Variants in CTNNA2 observed in about 807,000 individuals in gnomAD.
CTNNA2 encodes the protein catenin alpha-2.
A neutral mutation model predicts 101.0 loss-of-function variants in CTNNA2; 42 were observed. The ratio of observed to expected loss-of-function variants is 0.42; its 90% CI spans 0.32 to 0.54. The LOEUF (loss-of-function observed/expected upper bound fraction) is 0.54, where lower values mean the gene tolerates loss of function less well. Ranked by LOEUF, CTNNA2 falls within the 20% of genes least tolerant of loss-of-function variation. The pLI is 0.14. For missense variants in CTNNA2, 871 were observed against 1,223.1 expected (o/e 0.71, Z 4.29); for synonymous variants, 450 against 456.4 (o/e 0.99, Z 0.18).
At chr2:79,937,689 C>G (rs755309857) in intron 7 of CTNNA2, among the ~76,000 whole-genome samples, 1 of 152,098 alleles carries the variant, frequency 6.6e-6, no homozygotes, top group African/African-American at 2.4e-5. Context: ...GGGCCCTGTT[C>G]CCTCTATTAA....
chr2:80,334,203 A>G (rs1008493420), intron 7 of CTNNA2, among the ~76,000 whole-genome samples: 4 of 152,174 alleles, frequency 2.6e-5, no homozygotes, highest in Non-Finnish European at 4.4e-5. Context: ...GATCTCAGCT[A>G]AAGCAATGGA....
chr2:79,852,490 A>T (rs1680796410), intron 3 of CTNNA2, among the ~76,000 whole-genome samples: 1 of 152,154 alleles, frequency 6.6e-6, no homozygotes, highest in African/African-American at 2.4e-5. Context: ...TTTCATTCTC[A>T]CACTAGTTCC....
chr2:80,390,498 A>G lies in CTNNA2; in HGVS notation c.1057-2713A>G, dbSNP rs539665382. Among the ~76,000 whole-genome samples the G allele has an allele frequency of 8.3e-4, 126 of 152,268 alleles. 1 individual carries two copies. The highest frequency in any genetic ancestry group is 2.8e-3 in the African/African-American group (117 of 41,558). ...GATCCCACATGTTGCCCTTCTGCTC[A>G]CAGAATGGGGCAACCAAGCCTCCCA... On this transcript the variant is annotated intron_variant, in intron 7 of 18. Coordinates refer to ENST00000402739, the MANE Select transcript of CTNNA2 (RefSeq NM_001282597.3).
At chr2:79,259,104 C>T (rs1270681243) in intron 2 of CTNNA2, among the ~76,000 whole-genome samples, 1 of 152,110 alleles carries the variant, frequency 6.6e-6, no homozygotes, top group South Asian at 2.1e-4. Context: ...GATCAGATCC[C>T]TATTTCTACG....
chr2:80,310,686 T>A, intron 7 of CTNNA2, among the ~76,000 whole-genome samples: 1 of 152,166 alleles, frequency 6.6e-6, no homozygotes, highest in East Asian at 1.9e-4. Context: ...TACTATGGCA[T>A]GTGTGTATTT....
At chr2:80,641,861 T>G (rs771300474) in intron 18 of CTNNA2, among the ~76,000 whole-genome samples, 10 of 152,162 alleles carry the variant, frequency 6.6e-5, no homozygotes, top group Non-Finnish European at 1.3e-4. Context: ...TGAACTTTTG[T>G]GTATGGATTT....
intron 12 of CTNNA2, among the ~76,000 whole-genome samples, chr2:80,567,834 C>T (rs1991911): frequency 0.41 from 61,752 of 151,926 alleles, 12,853 homozygotes; most frequent in South Asian, 0.6. Flanking sequence ...GCAATTCCAT[C>T]CCTGTCGTGA....
intron 7 of CTNNA2, among the ~76,000 whole-genome samples, chr2:80,295,837 A>C (rs1047977333): frequency 4.6e-5 from 7 of 152,204 alleles, no homozygotes; most frequent in Admixed American, 1.3e-4. Context: ...ACCAAATGTG[A>C]ATTATATTCT....
At chr2:79,885,552 TC>T (rs1683794653) in intron 6 of CTNNA2, among the ~76,000 whole-genome samples, 1 of 152,230 alleles carries the variant, frequency 6.6e-6, no homozygotes, top group African/African-American at 2.4e-5. Flanking sequence ...TTCTAGTATT[TC>T]CTTTTGCTGT....
chr2:79,349,422 G>A (rs534982962), intron 3 of CTNNA2, among the ~76,000 whole-genome samples: 3 of 152,104 alleles, frequency 2.0e-5, no homozygotes, highest in Non-Finnish European at 4.4e-5. Flanking sequence ...CTAGGGTTAG[G>A]GCTAATAAAT....
intron 7 of CTNNA2, among the ~76,000 whole-genome samples, chr2:80,166,203 T>C (rs1156384418): frequency 6.6e-6 from 1 of 152,180 alleles, no homozygotes; most frequent in South Asian, 2.1e-4. Context: ...TTTTCAACCA[T>C]ACCTGAGTTT....
At chr2:79,404,641 C>T (rs1482992285) in intron 4 of CTNNA2, among the ~76,000 whole-genome samples, 1 of 152,044 alleles carries the variant, frequency 6.6e-6, no homozygotes, top group Non-Finnish European at 1.5e-5. Flanking sequence ...AATTCCTCCA[C>T]ATTCAGGCCC....
intron 3 of CTNNA2, among the ~76,000 whole-genome samples, chr2:79,788,431 C>T (rs1030071328): frequency 6.6e-6 from 1 of 152,054 alleles, no homozygotes; most frequent in Non-Finnish European, 1.5e-5. Flanking sequence ...TAAGAAATGA[C>T]AACATTAATG....
intron 14 of CTNNA2, among the ~76,000 whole-genome samples, chr2:80,588,431 C>CA (rs1206061550): frequency 1.3e-5 from 2 of 152,182 alleles, no homozygotes; most frequent in East Asian, 3.9e-4. Flanking sequence ...ATGTGCATGT[C>CA]ACGCAACTCA....
In CTNNA2 at chr2:79,968,214, A is replaced by T. The variant is rs577881182; in HGVS notation, c.1056+58417A>T. ...AATTTTATGTTAATTTTACTTCAAT[A>T]AAAAAAAAACAGAGCTCATTTATAT... is the stretch of plus-strand genomic sequence containing the variant. On this transcript the variant is annotated intron_variant, in intron 7 of 18. Transcript: ENST00000402739. 8.5e-3 allele frequency among the ~76,000 whole-genome samples: 673 copies of T among 79,630 alleles called. 14 individuals carry two copies. The East Asian group carries it at 0.086, about 10-fold the overall frequency. 52.2% of individuals were successfully genotyped at this position (79,630 alleles called of 152,430 possible). A position where few individuals can be genotyped will look rare whatever the true frequency, so the allele number is the denominator to read the frequency against.
intron 2 of CTNNA2, among the ~76,000 whole-genome samples, chr2:79,296,615 C>T (rs1438432180): frequency 6.6e-6 from 1 of 152,046 alleles, no homozygotes; most frequent in Non-Finnish European, 1.5e-5. Flanking sequence ...CAGACAAGGA[C>T]CCAATATTCA....
chr2:79,188,637 A>G (rs1292867466), intron 1 of CTNNA2, among the ~76,000 whole-genome samples: 1 of 152,232 alleles, frequency 6.6e-6, no homozygotes, highest in Non-Finnish European at 1.5e-5. Context: ...AGGGAGGGCA[A>G]TAGAACTTGA....
At chr2:80,515,771 G>T (rs1689063917) in intron 9 of CTNNA2, among the ~76,000 whole-genome samples, 1 of 152,252 alleles carries the variant, frequency 6.6e-6, no homozygotes, top group African/African-American at 2.4e-5. Context: ...AAATAAAGCA[G>T]AAGGGGATGA....
intron 18 of CTNNA2, among the ~76,000 whole-genome samples, chr2:80,641,803 A>G (rs1397665405): frequency 6.6e-6 from 1 of 152,082 alleles, no homozygotes; most frequent in Non-Finnish European, 1.5e-5. Context: ...AAGGATATTA[A>G]TATTGATTTT....
Sources: gnomAD v4.1 joint callset for allele counts (sites outside exome capture counted in the v4.1 genomes callset) on GRCh38, gnomAD v4.1.1 for gene constraint, MANE v1.5 for transcripts, NCBI Gene and HGNC (gene_info 2026-07-23, HGNC 2026-07-21) for gene names.